AGMO: variants seen among roughly 807,000 people sequenced by gnomAD.
The protein encoded by AGMO is alkylglycerol monooxygenase, also known as glyceryl-ether monooxygenase.
AGMO carries 75 observed loss-of-function variants against 60.2 expected under a neutral mutation model. The observed-to-expected ratio is 1.25, with a 90% CI of 1.03 to 1.51. The LOEUF (loss-of-function observed/expected upper bound fraction) is 1.51. AGMO is among the 40% of genes most tolerant of loss of function. AGMO has a pLI of 0.00. For missense variants in AGMO, 763 were observed against 525.5 expected (o/e 1.45, Z -4.42); for synonymous variants, 261 against 177.1 (o/e 1.47, Z -3.76).
At chr7:15,193,763 A>T in the AGMO span, among the ~76,000 whole-genome samples, 1 of 152,320 alleles carries the variant, frequency 6.6e-6, no homozygotes, top group South Asian at 2.1e-4. Context: ...AAAGTTCAGT[A>T]ACATGAGAGG....
intron 12 of AGMO, among the ~76,000 whole-genome samples, chr7:15,291,494 CTT>C (rs1784262654): frequency 6.6e-6 from 1 of 151,944 alleles, no homozygotes; most frequent in Admixed American, 6.6e-5. Context: ...GGAAAGTATT[CTT>C]TGTTTGCTTA....
chr7:15,387,867 C>T (rs930511486), intron 8 of AGMO, among the ~76,000 whole-genome samples: 2 of 151,574 alleles, frequency 1.3e-5, no homozygotes, highest in African/African-American at 4.9e-5. Context: ...TAACTAGCAC[C>T]CTGTGCACTC....
intron 12 of AGMO, among the ~76,000 whole-genome samples, chr7:15,210,041 T>C (rs1345536363): frequency 6.6e-6 from 1 of 152,164 alleles, no homozygotes; most frequent in Admixed American, 6.5e-5. Context: ...ATGATAATAA[T>C]AACTTTTATT....
the AGMO span, among the ~76,000 whole-genome samples, chr7:15,194,288 C>A: frequency 1.3e-5 from 2 of 151,934 alleles, no homozygotes; most frequent in Non-Finnish European, 2.9e-5. Flanking sequence ...TTGCAAAGTC[C>A]TTCAGCTATG....
intron 12 of AGMO, among the ~76,000 whole-genome samples, chr7:15,360,233 CAAAATTA>C (rs1444819456): frequency 6.6e-6 from 1 of 152,086 alleles, no homozygotes; most frequent in Non-Finnish European, 1.5e-5. Flanking sequence ...TGACTGATAA[CAAAATTA>C]AAATAACTAC....
At chr7:15,258,807 A>C (rs1205454324) in intron 12 of AGMO, among the ~76,000 whole-genome samples, 2 of 152,208 alleles carry the variant, frequency 1.3e-5, no homozygotes, top group South Asian at 4.1e-4. Flanking sequence ...CTGGGTGGCT[A>C]GACTCAGAAG....
chr7:15,479,185 A>T (rs1449473860), intron 3 of AGMO, among the ~76,000 whole-genome samples: 1 of 152,192 alleles, frequency 6.6e-6, no homozygotes, highest in Non-Finnish European at 1.5e-5. Flanking sequence ...TTCGTGTGAA[A>T]AAGAGGGGAC....
chr7:15,409,023 G>A (rs10241564), intron 5 of AGMO, among the ~76,000 whole-genome samples: 12,740 of 151,636 alleles, frequency 0.084, 864 homozygotes, highest in African/African-American at 0.18. Context: ...AATGGAAAAC[G>A]GTCCAGTATT....
At chr7:15,391,088 CAATT>C (rs1233797138) in intron 6 of AGMO, among the ~76,000 whole-genome samples, 183 bp from the exon 7 acceptor site, 1 of 151,816 alleles carries the variant, frequency 6.6e-6, no homozygotes, top group Non-Finnish European at 1.5e-5. Context: ...TTTTATTTTT[CAATT>C]AATTATACTA....
intron 2 of AGMO, among the ~76,000 whole-genome samples, chr7:15,548,658 G>A (rs1784859555): frequency 6.6e-6 from 1 of 152,160 alleles, no homozygotes; most frequent in Non-Finnish European, 1.5e-5. Context: ...AAGAAATATG[G>A]GACTATGTGA....
At chr7:15,335,176 T>C (rs971937602) in intron 12 of AGMO, among the ~76,000 whole-genome samples, 1 of 152,150 alleles carries the variant, frequency 6.6e-6, no homozygotes, top group African/African-American at 2.4e-5. Flanking sequence ...GAAGTGATGA[T>C]GGCATGAGTT....
intron 12 of AGMO, among the ~76,000 whole-genome samples, chr7:15,237,326 G>A (rs1419253237): frequency 6.6e-6 from 1 of 152,166 alleles, no homozygotes; most frequent in Non-Finnish European, 1.5e-5. Context: ...ACAGATGAAA[G>A]TAGCACAAAG....
intron 10 of AGMO, among the ~76,000 whole-genome samples, chr7:15,382,389 A>G (rs1247680809): frequency 2.0e-5 from 3 of 152,176 alleles, no homozygotes; most frequent in Non-Finnish European, 2.9e-5. Flanking sequence ...TCCTGAGGGC[A>G]AGAATTATAC....
chr7:15,317,446 C>A (rs1227273176), intron 12 of AGMO, among the ~76,000 whole-genome samples: 1 of 152,014 alleles, frequency 6.6e-6, no homozygotes, highest in African/African-American at 2.4e-5. Context: ...ATCCAGCTTG[C>A]TTTATTAAAT....
chr7:15,262,991 G>GT (rs2128510238), intron 12 of AGMO, among the ~76,000 whole-genome samples: 1 of 152,138 alleles, frequency 6.6e-6, no homozygotes, highest in African/African-American at 2.4e-5. Flanking sequence ...AGATAACATT[G>GT]TAAAAACCCT....
rs529856304 is a variant in AGMO at position 15,201,159 on chromosome 7, T to G, written c.*126A>C. The G allele has an allele frequency of 1.2e-4, 66 of 563,642 alleles. No homozygotes were observed. In the African/African-American group the frequency reaches 1.2e-3, roughly 10 times the overall value. 34.9% of individuals were successfully genotyped at this position (563,642 alleles called of 1,614,324 possible). Reference sequence around the variant, plus strand: ...TGAAAGGCAAACAATAGTAAATAAGTAATTTTACTTTTCATTGAAGAAATA... The same window carrying G: ...TGAAAGGCAAACAATAGTAAATAAGGAATTTTACTTTTCATTGAAGAAATA... On this transcript the variant is annotated 3_prime_UTR_variant, in exon 13 of 13. Transcript: ENST00000342526.
chr7:15,240,044 CAG>C (rs1302817917), intron 12 of AGMO, among the ~76,000 whole-genome samples: 1 of 152,108 alleles, frequency 6.6e-6, no homozygotes, highest in African/African-American at 2.4e-5. Flanking sequence ...CATTACGAAA[CAG>C]TAACTTCTGC....
At chr7:15,229,694 CTAAT>C (rs1266554123) in intron 12 of AGMO, among the ~76,000 whole-genome samples, 3 of 142,546 alleles carry the variant, frequency 2.1e-5, no homozygotes, top group South Asian at 2.2e-4. Context: ...ATATATATAA[CTAAT>C]TATTTATATA....
chr7:15,177,891 T>C, the AGMO span, among the ~76,000 whole-genome samples: 1 of 152,208 alleles, frequency 6.6e-6, no homozygotes, highest in African/African-American at 2.4e-5. Context: ...TATTGCTTTC[T>C]TTTATGACTC....
Sources: allele counts gnomAD v4.1 joint callset (sites outside exome capture counted in the v4.1 genomes callset), GRCh38; gene constraint gnomAD v4.1.1; transcripts MANE v1.5; gene names NCBI Gene and HGNC (gene_info 2026-07-23, HGNC 2026-07-21).